ABCA6: variants seen among roughly 807,000 people sequenced by gnomAD.
The protein encoded by ABCA6 is ATP binding cassette subfamily A member 6.
ABCA6 carries 164 observed loss-of-function variants against 191.2 expected under a neutral mutation model. That is an observed-to-expected ratio of 0.86 (90% CI 0.76 to 0.98). The LOEUF is 0.98. ABCA6 is among the 50% of genes least tolerant of loss of function. ABCA6 has a pLI of 0.00. For missense variants in ABCA6, 1,958 were observed against 1,894.1 expected (o/e 1.03, Z -0.63); for synonymous variants, 636 against 647.7 (o/e 0.98, Z 0.27).
chr17:69,139,082 T>C (rs1310549900), intron 2 of ABCA6, among the ~76,000 whole-genome samples: 17 of 152,080 alleles, frequency 1.1e-4, no homozygotes, highest in East Asian at 3.9e-4. Flanking sequence ...CAACAAAAGC[T>C]AAAATTGACA....
chr17:69,109,218 G>GGAAGCTGTTTAAACCAAAGC (rs1447304660), intron 17 of ABCA6: 1 of 152,112 alleles, frequency 6.6e-6, no homozygotes, highest in African/African-American at 2.4e-5. Context: ...TAAACCAAAG[G>GGAAGCTGTTTAAACCAAAGC]GAAGCTGTTT....
At chr17:69,104,161 G>A (rs1271219266) in intron 20 of ABCA6, 1 of 152,002 alleles carries the variant, frequency 6.6e-6, no homozygotes, top group African/African-American at 2.4e-5. Flanking sequence ...AAAGATAAAC[G>A]TGTTACCAAT....
intron 30 of ABCA6, 92 bp from the exon 31 acceptor site, chr17:69,085,808 C>A: frequency 1.2e-6 from 1 of 840,646 alleles, no homozygotes; most frequent in Non-Finnish European, 2.0e-6. Flanking sequence ...GATTTCTGCA[C>A]CCTTCAGTTA....
rs1034583326 is a variant in ABCA6 at position 69,096,356 on chromosome 17, G to A, written c.3295-3C>T. On this transcript the variant is annotated splice_polypyrimidine_tract_variant and splice_region_variant and intron_variant, in intron 24 of 38. Transcript: ENST00000284425. ...GCATAACCAGGAGTAACTATAACCT[G>A]AGCATAAAAGAAATAATAACATAGT... The A allele has an allele frequency of 2.2e-6, 3 of 1,376,380 alleles. No homozygotes were observed. Among genetic ancestry groups the A allele is most frequent in the Non-Finnish European group, 2.9e-6 (3 of 1,017,608 alleles). The allele number at this position is 1,376,380 out of a possible 1,614,324, so 85.3% of individuals were successfully genotyped here.
At chr17:69,111,019 A>T in intron 16 of ABCA6, 79 bp from the exon 17 acceptor site, 2 of 1,354,220 alleles carry the variant, frequency 1.5e-6, no homozygotes, top group Non-Finnish European at 2.0e-6. Flanking sequence ...TTGAACACCT[A>T]GCTGTTGAGC....
intron 34 of ABCA6, 49 bp from the exon 35 acceptor site, chr17:69,083,380 A>C: frequency 2.0e-6 from 3 of 1,508,562 alleles, no homozygotes; most frequent in Non-Finnish European, 1.8e-6. Context: ...TAAGTGCAGA[A>C]GAAAAAAAAG....
At chr17:69,098,625 C>CAAAAAAAAAAAAAAAAAAAAA (rs59031335) in intron 22 of ABCA6, 1 of 46,350 alleles carries the variant, frequency 2.2e-5, no homozygotes. Context: ...AACTCGGTCT[C>CAAAAAAAAAAAAAAAAAAAAA]AAAAAAAAAA....
At chr17:69,093,443 G>A (rs963735564) in intron 25 of ABCA6, among the ~76,000 whole-genome samples, 1 of 152,134 alleles carries the variant, frequency 6.6e-6, no homozygotes, top group Non-Finnish European at 1.5e-5. Flanking sequence ...CAGCTGCAAG[G>A]TCACAAGATA....
intron 6 of ABCA6, among the ~76,000 whole-genome samples, chr17:69,130,509 CAAT>C (rs2073843436): frequency 6.6e-6 from 1 of 152,100 alleles, no homozygotes; most frequent in Non-Finnish European, 1.5e-5. Context: ...TATCAATCAA[CAAT>C]ATTATACACT....
At chr17:69,099,676 G>A (rs1233703002) in intron 22 of ABCA6, 1 of 154,256 alleles carries the variant, frequency 6.5e-6, no homozygotes, top group Non-Finnish European at 1.5e-5. Flanking sequence ...TACTCCTCTG[G>A]TTCCACTTTC....
intron 7 of ABCA6, 30 bp downstream of exon 7, chr17:69,129,580 G>T (rs2073822074): frequency 2.6e-6 from 4 of 1,546,272 alleles, no homozygotes; most frequent in Admixed American, 3.9e-5. Context: ...ATCTAAAGCA[G>T]AGAAAGTGGT....
At chr17:69,090,752 T>C (rs542646403) in intron 26 of ABCA6, among the ~76,000 whole-genome samples, 3 of 152,240 alleles carry the variant, frequency 2.0e-5, no homozygotes, top group East Asian at 3.9e-4. Context: ...CGCATATGAG[T>C]TTATCCTCAG....
At chr17:69,134,886 G>GTTTTTTTTTT (rs1454692425) in intron 4 of ABCA6, 144 bp from the exon 5 acceptor site, 26 of 127,038 alleles carry the variant, frequency 2.0e-4, no homozygotes, top group African/African-American at 7.5e-4. Flanking sequence ...TGTTGTGGTT[G>GTTTTTTTTTT]TCTTTTTTTT....
intron 6 of ABCA6, among the ~76,000 whole-genome samples, chr17:69,132,995 A>G (rs2073892038): frequency 6.6e-6 from 1 of 152,200 alleles, no homozygotes; most frequent in African/African-American, 2.4e-5. Flanking sequence ...CATGATTTCA[A>G]AATCACTTTA....
Position 69,123,366 on chromosome 17 carries a change from A to G in ABCA6, c.1309T>C (p.Ser437Pro). ...CTTTGGTGTTGGAAACAAGATGATG[A>G]ATTCAAGAAAAATAAAGGAGAATAA... Reference protein sequence around the residue: ...RHYSPLFFLNSSSCFQHQRTN... With the variant: ...RHYSPLFFLNPSSCFQHQRTN... The change falls in exon 10 of 39, where the codon TCA (serine) becomes CCA (proline). Residue 437 changes from serine to proline, a missense_variant. Ser to Pro is a moderately conservative substitution (Grantham distance 74). Transcript: ENST00000284425. 1 of 1,540,290 alleles carries G rather than the reference A, an allele frequency of 6.5e-7. No individual in the cohort carries two copies. Among genetic ancestry groups the G allele is most frequent in the African/African-American group, 1.4e-5 (1 of 73,184 alleles).
intron 3 of ABCA6, among the ~76,000 whole-genome samples, chr17:69,136,849 G>A (rs188349963): frequency 4.3e-4 from 65 of 152,144 alleles, no homozygotes; most frequent in Middle Eastern, 3.4e-3. Flanking sequence ...ACTATATTCA[G>A]AACAGAATAA....
At chr17:69,112,739 C>T (rs1392148527) in intron 15 of ABCA6, 1 of 155,030 alleles carries the variant, frequency 6.5e-6, no homozygotes, top group Non-Finnish European at 1.4e-5. Context: ...ACACCAGAAG[C>T]CTGGACTTCA....
At chr17:69,092,294 T>G (rs1262556699) in intron 25 of ABCA6, among the ~76,000 whole-genome samples, 3 of 152,232 alleles carry the variant, frequency 2.0e-5, no homozygotes, top group Non-Finnish European at 4.4e-5. Flanking sequence ...TGCCAGGTTT[T>G]AATAATCTAG....
intron 10 of ABCA6, among the ~76,000 whole-genome samples, chr17:69,119,020 C>A (rs1030533668): frequency 6.6e-6 from 1 of 152,000 alleles, no homozygotes; most frequent in Admixed American, 6.6e-5. Flanking sequence ...GGAACTGATG[C>A]CTGCAAACAA....
Sources: allele counts gnomAD v4.1 joint callset (sites outside exome capture counted in the v4.1 genomes callset), GRCh38; gene constraint gnomAD v4.1.1; transcripts MANE v1.5; gene names NCBI Gene and HGNC (gene_info 2026-07-23, HGNC 2026-07-21).